GABRA3: variants seen among roughly 807,000 people sequenced by gnomAD.
GABRA3 encodes gamma-aminobutyric acid receptor subunit alpha-3.
A neutral mutation model predicts 30.1 loss-of-function variants in GABRA3; 10 were observed. The ratio of observed to expected loss-of-function variants is 0.33; its 90% confidence interval spans 0.20 to 0.56. The LOEUF is 0.56. Among genes scored for constraint, GABRA3 ranks in the 20% least tolerant of loss-of-function variants. The pLI, the probability that GABRA3 is intolerant of heterozygous loss-of-function variation, is 0.89. For missense variants in GABRA3, 233 were observed against 392.0 expected, an observed-to-expected ratio of 0.59 and a Z score of 3.42; for synonymous variants, 151 against 146.8, an observed-to-expected ratio of 1.03 and a Z score of -0.21.
At chrX:152,367,143 A>C (rs1928680263) in intron 1 of GABRA3, among the ~76,000 whole-genome samples, 1 of 111,295 alleles carries the variant, frequency 9.0e-6, no homozygotes. Flanking sequence ...GCAGAAGGTA[A>C]AACCTATTGC....
At chrX:152,327,516 G>A (rs773393132) in intron 3 of GABRA3, among the ~76,000 whole-genome samples, 13 of 112,000 alleles carry the variant, frequency 1.2e-4, no homozygotes, top group African/African-American at 4.2e-4. Flanking sequence ...AGACCACAGT[G>A]CAATCAAACT....
chrX:152,196,608 G>T lies in GABRA3; in HGVS notation c.931+1025C>A, dbSNP rs1055808727. Among the ~76,000 whole-genome samples the T allele has an allele frequency of 3.6e-5, 4 of 110,616 alleles. 1 individual carries two copies. The highest frequency in any genetic ancestry group is 1.3e-4 in the African/African-American group (4 of 30,409). ...AGCTTCTGCTCCCTCCACTTCACTA[G>T]AACTGTTCTTCTCAAGATCCCTAAC... On this transcript the variant is annotated intron_variant, in intron 8 of 9. Coordinates refer to ENST00000370314, the MANE Select transcript of GABRA3 (RefSeq NM_000808.4).
At chrX:152,284,780 T>A (rs770722344) in intron 3 of GABRA3, 45 bp from the exon 4 acceptor site, 1 of 984,387 alleles carries the variant, frequency 1.0e-6, no homozygotes, top group Non-Finnish European at 1.4e-6. Flanking sequence ...GAAAGGCTTT[T>A]GTCTTAGCTC....
At chrX:152,332,543 T>C (rs1217747085) in intron 3 of GABRA3, among the ~76,000 whole-genome samples, 2 of 112,371 alleles carry the variant, frequency 1.8e-5, no homozygotes, top group Non-Finnish European at 3.8e-5. Context: ...ATTTACATAA[T>C]TTATTTTCTT....
intron 1 of GABRA3, among the ~76,000 whole-genome samples, chrX:152,411,966 T>A (rs1429397536): frequency 2.7e-5 from 3 of 111,148 alleles, no homozygotes; most frequent in Non-Finnish European, 5.7e-5. Flanking sequence ...AAAAAAAGAA[T>A]CACATAAAGG....
intron 1 of GABRA3, among the ~76,000 whole-genome samples, chrX:152,411,481 G>GA (rs768869449): frequency 9.0e-6 from 1 of 111,673 alleles, no homozygotes; most frequent in African/African-American, 3.2e-5. Context: ...AGAGAAAAAA[G>GA]AAAAAAATAA....
intron 5 of GABRA3, among the ~76,000 whole-genome samples, chrX:152,235,106 G>A (rs1603219815): frequency 9.0e-6 from 1 of 111,704 alleles, no homozygotes; most frequent in African/African-American, 3.3e-5. Flanking sequence ...GCATAAGCCT[G>A]GGATGTTTTC....
intron 1 of GABRA3, among the ~76,000 whole-genome samples, chrX:152,386,539 T>C (rs1285968082): frequency 9.2e-6 from 1 of 109,174 alleles, no homozygotes; most frequent in African/African-American, 3.4e-5. Flanking sequence ...AAAAAACACA[T>C]GAAAAAATGC....
In GABRA3 at chrX:152,303,268, A is replaced by G. The variant is rs183152025; in HGVS notation, c.263-18533T>C. On this transcript the variant is annotated intron_variant, in intron 3 of 9. Transcript: ENST00000370314. The stretch of plus-strand genomic sequence containing the variant: ...GACTTTTAAACCACAATGAAATACC[A>G]TCTCATGCCAGTTAGAATGGCGATC... 2.7e-3 allele frequency among the ~76,000 whole-genome samples: 301 copies of G among 112,091 alleles called. 2 individuals are homozygous for G. The highest frequency in any genetic ancestry group is 9.4e-3 in the African/African-American group (291 of 30,823).
chrX:152,344,796 G>A (rs1321835119), intron 3 of GABRA3, among the ~76,000 whole-genome samples: 1 of 111,204 alleles, frequency 9.0e-6, no homozygotes, highest in Admixed American at 9.6e-5. Context: ...GCTGAGTGTA[G>A]GCTAAACAGA....
At chrX:152,199,166 A>T (rs975319089) in intron 7 of GABRA3, among the ~76,000 whole-genome samples, 2 of 110,393 alleles carry the variant, frequency 1.8e-5, no homozygotes, top group Non-Finnish European at 3.8e-5. Context: ...GGAGATCGAG[A>T]CCATCCTGGC....
At chrX:152,325,368 T>G (rs1005124336) in intron 3 of GABRA3, among the ~76,000 whole-genome samples, 1 of 111,236 alleles carries the variant, frequency 9.0e-6, no homozygotes, top group African/African-American at 3.3e-5. Flanking sequence ...AGCATGGAGT[T>G]TGAGATCTGA....
intron 2 of GABRA3, among the ~76,000 whole-genome samples, chrX:152,361,064 C>T (rs1256038098): frequency 2.9e-5 from 3 of 102,322 alleles, no homozygotes; most frequent in Non-Finnish European, 5.9e-5. Context: ...GCATTCCAGC[C>T]TGGGTAGCAG....
chrX:152,438,283 C>A (rs1457880437), intron 1 of GABRA3, among the ~76,000 whole-genome samples: 1 of 111,626 alleles, frequency 9.0e-6, no homozygotes, highest in East Asian at 2.8e-4. Context: ...ATTAGAATGT[C>A]CAAAATCCAA....
intron 3 of GABRA3, among the ~76,000 whole-genome samples, chrX:152,314,191 A>G (rs886224739): frequency 1.8e-5 from 2 of 111,727 alleles, no homozygotes; most frequent in Non-Finnish European, 3.8e-5. Flanking sequence ...TCAGTGCCAC[A>G]TACATACTTC....
chrX:152,233,988 T>A (rs1310094838), intron 5 of GABRA3, among the ~76,000 whole-genome samples: 1 of 97,589 alleles, frequency 1.0e-5, no homozygotes. Flanking sequence ...TAGGTGGGAA[T>A]TGAACAATGG....
intron 4 of GABRA3, among the ~76,000 whole-genome samples, chrX:152,257,190 C>T (rs1938650978): frequency 8.9e-6 from 1 of 111,823 alleles, no homozygotes; most frequent in Non-Finnish European, 1.9e-5. Context: ...ATTCCTTAAT[C>T]CATCACAATT....
intron 5 of GABRA3, among the ~76,000 whole-genome samples, chrX:152,234,085 T>C (rs763128909): frequency 5.0e-5 from 5 of 99,290 alleles, no homozygotes; most frequent in South Asian, 5.8e-4. Context: ...TTGGGAGATA[T>C]ACCTAATGCT....
At chrX:152,367,368 A>G (rs771084193) in intron 1 of GABRA3, among the ~76,000 whole-genome samples, 2 of 111,954 alleles carry the variant, frequency 1.8e-5, no homozygotes, top group Non-Finnish European at 3.8e-5. Flanking sequence ...GAGATTATCC[A>G]TGATACATGA....
Sources: allele counts gnomAD v4.1 joint callset (sites outside exome capture counted in the v4.1 genomes callset), GRCh38; gene constraint gnomAD v4.1.1; transcripts MANE v1.5; gene names NCBI Gene and HGNC (gene_info 2026-07-23, HGNC 2026-07-21).